Variants in BTBD9 observed in about 807,000 individuals in gnomAD.
BTBD9 encodes BTB/POZ domain-containing protein 9.
Under a neutral mutation model 64.3 loss-of-function variants are expected in BTBD9, and 49 were observed. The ratio of observed to expected loss-of-function variants is 0.76; its 90% CI spans 0.61 to 0.97. The LOEUF is 0.97. Ranked by LOEUF, BTBD9 falls within the 50% of genes least tolerant of loss-of-function variation. The pLI is 0.00. For missense variants in BTBD9, 598 were observed against 762.1 expected (o/e 0.78, Z 2.53); for synonymous variants, 260 against 274.7 (o/e 0.95, Z 0.53).
At chr6:38,462,165 T>C (rs1213435291) in intron 6 of BTBD9, among the ~76,000 whole-genome samples, 1 of 152,174 alleles carries the variant, frequency 6.6e-6, no homozygotes, top group Non-Finnish European at 1.5e-5. Context: ...ACATTTGAAG[T>C]CCAGTTTTTC....
chr6:38,474,539 A>G (rs1378862326), intron 6 of BTBD9, among the ~76,000 whole-genome samples: 2 of 151,636 alleles, frequency 1.3e-5, no homozygotes, highest in Non-Finnish European at 2.9e-5. Context: ...GAAAAAACAG[A>G]ACGGAAAAGA....
chr6:38,414,685 T>C (rs1326698414), intron 6 of BTBD9, among the ~76,000 whole-genome samples: 1 of 152,224 alleles, frequency 6.6e-6, no homozygotes, highest in Non-Finnish European at 1.5e-5. Context: ...ACTCTTAATG[T>C]AACTGACTAC....
At chr6:38,614,244 T>C in intron 1 of BTBD9, among the ~76,000 whole-genome samples, 1 of 152,312 alleles carries the variant, frequency 6.6e-6, no homozygotes, top group Non-Finnish European at 1.5e-5. Flanking sequence ...TCACCTCTTC[T>C]GTCAGATTCT....
At chr6:38,624,185 A>C (rs934050965) in intron 1 of BTBD9, among the ~76,000 whole-genome samples, 7 of 152,214 alleles carry the variant, frequency 4.6e-5, no homozygotes, top group African/African-American at 1.7e-4. Context: ...CAGGATTCTA[A>C]AAGGAGCCAA....
chr6:38,383,749 T>C (rs1310881508), intron 6 of BTBD9, among the ~76,000 whole-genome samples: 8 of 152,268 alleles, frequency 5.3e-5, no homozygotes, highest in Non-Finnish European at 1.0e-4. Flanking sequence ...TTCCATCTGT[T>C]ACACTAAACG....
chr6:38,294,031 CAAAAG>C (rs1279059583), intron 7 of BTBD9, among the ~76,000 whole-genome samples: 2 of 152,126 alleles, frequency 1.3e-5, no homozygotes, highest in Non-Finnish European at 2.9e-5. Context: ...AGACACTTCT[CAAAAG>C]AAGACATTTA....
intron 4 of BTBD9, among the ~76,000 whole-genome samples, chr6:38,580,750 A>C (rs939202748): frequency 2.0e-5 from 3 of 151,988 alleles, no homozygotes; most frequent in African/African-American, 4.8e-5. Flanking sequence ...AAACAAAAAA[A>C]ATGTTCAGAG....
rs370701845 is a variant in BTBD9, at chr6:38,315,470, G to GTTT, written c.1265-27012_1265-27010dup. Reference sequence around the variant, plus strand: ...GCTTTCGCTGTATCCCACAGTTTTGGTTTTTTTTTTAAATCCCACAGGTTT... The same window carrying GTTT: ...GCTTTCGCTGTATCCCACAGTTTTGGTTTTTTTTTTTTTAAATCCCACAGGTTT... On this transcript the variant is annotated intron_variant, in intron 7 of 10. Transcript: ENST00000481247. Among the ~76,000 whole-genome samples, 417 of 146,688 alleles carry GTTT rather than the reference G, an allele frequency of 2.8e-3. 2 individuals carry two copies. Among genetic ancestry groups the GTTT allele is most frequent in the African/African-American group, 9.9e-3 (396 of 40,094 alleles).
chr6:38,591,727 T>A (rs1282469880), intron 4 of BTBD9, among the ~76,000 whole-genome samples: 1 of 152,198 alleles, frequency 6.6e-6, no homozygotes, highest in East Asian at 1.9e-4. Flanking sequence ...AATTAAATCG[T>A]GTAGGACCTG....
chr6:38,395,160 G>A (rs1295451380), intron 6 of BTBD9, among the ~76,000 whole-genome samples: 4 of 152,244 alleles, frequency 2.6e-5, no homozygotes, highest in Non-Finnish European at 5.9e-5. Context: ...GCCAGGTGTG[G>A]TGGTTCACAC....
At chr6:38,230,449 C>T (rs1763557508) in intron 9 of BTBD9, among the ~76,000 whole-genome samples, 3 of 127,688 alleles carry the variant, frequency 2.3e-5, no homozygotes, top group East Asian at 2.5e-4. Context: ...GAGCCGAGAT[C>T]GTGACATTGC....
chr6:38,624,628 C>T (rs1778109906), intron 1 of BTBD9, among the ~76,000 whole-genome samples: 2 of 151,768 alleles, frequency 1.3e-5, no homozygotes, highest in South Asian at 4.2e-4. Flanking sequence ...AATAGAAATA[C>T]ATTATGCAAC....
intron 6 of BTBD9, among the ~76,000 whole-genome samples, chr6:38,462,290 A>C (rs1279129795): frequency 6.6e-6 from 1 of 152,174 alleles, no homozygotes; most frequent in East Asian, 1.9e-4. Context: ...AAAGTTTATA[A>C]TTTTAGGTTT....
At chr6:38,619,460 T>A (rs1485871212) in intron 1 of BTBD9, among the ~76,000 whole-genome samples, 1 of 152,062 alleles carries the variant, frequency 6.6e-6, no homozygotes, top group African/African-American at 2.4e-5. Context: ...GCAAGGACAG[T>A]TTAAAAAAGA....
chr6:38,199,050 C>T (rs918002555), intron 9 of BTBD9, among the ~76,000 whole-genome samples: 7 of 152,134 alleles, frequency 4.6e-5, no homozygotes, highest in East Asian at 3.9e-4. Flanking sequence ...GGAGCAGGTG[C>T]ACTCCTCAAA....
intron 6 of BTBD9, among the ~76,000 whole-genome samples, chr6:38,450,604 C>A (rs915971470): frequency 6.6e-6 from 1 of 152,066 alleles, no homozygotes; most frequent in African/African-American, 2.4e-5. Flanking sequence ...AACAGGGAGA[C>A]AACTACTTAG....
At position 38,424,079 on chromosome 6, in the gene BTBD9, A is replaced by G. The variant is rs1434427918; in HGVS notation, c.1155-78986T>C. 2.0e-5 allele frequency among the ~76,000 whole-genome samples: 3 copies of G among 152,000 alleles called. No individual in the cohort carries two copies. The East Asian group carries it at 5.8e-4, about 29-fold the overall frequency. Reference sequence around the variant, plus strand: ...TAGGCTAGGTACCCAGGATAAACTAAATAAGTGATGGTTATTAGCATGAAT... The same window carrying G: ...TAGGCTAGGTACCCAGGATAAACTAGATAAGTGATGGTTATTAGCATGAAT... On this transcript the variant is annotated intron_variant, in intron 6 of 10. Transcript: ENST00000481247.
intron 7 of BTBD9, among the ~76,000 whole-genome samples, chr6:38,305,100 G>T (rs1486655095): frequency 6.6e-6 from 1 of 152,120 alleles, no homozygotes; most frequent in Non-Finnish European, 1.5e-5. Context: ...CCTATGTAAG[G>T]TTGTGGCGCT....
At chr6:38,273,622 G>A (rs1765267907) in intron 8 of BTBD9, among the ~76,000 whole-genome samples, 1 of 152,146 alleles carries the variant, frequency 6.6e-6, no homozygotes, top group Admixed American at 6.5e-5. Context: ...ACAGATAAAA[G>A]GGGATGACCA....
Sources: allele counts gnomAD v4.1 joint callset (sites outside exome capture counted in the v4.1 genomes callset), GRCh38; gene constraint gnomAD v4.1.1; transcripts MANE v1.5; gene names NCBI Gene and HGNC (gene_info 2026-07-23, HGNC 2026-07-21).